Variants in CFTR observed in about 807,000 individuals in gnomAD.
CFTR encodes the protein cystic fibrosis transmembrane conductance regulator.
In CFTR, 181 loss-of-function variants were observed where a neutral mutation model predicts 171.6. The ratio of observed to expected loss-of-function variants is 1.05; its 90% CI spans 0.93 to 1.19. The LOEUF is 1.19. Among genes scored for constraint, CFTR ranks in the 50% most tolerant of loss-of-function variants. The probability of loss-of-function intolerance (pLI) is 0.00; values close to 1 mark genes in which losing one functional copy is unlikely to be tolerated. For missense variants in CFTR, 1,968 were observed against 1,734.7 expected (o/e 1.13, Z -2.39); for synonymous variants, 583 against 608.0 (o/e 0.96, Z 0.60).
In CFTR at chr7:117,480,036, TTG is replaced by T; in HGVS notation, c.-58_-57del. 1 of 1,515,246 alleles carries T rather than the reference TTG, an allele frequency of 6.6e-7. No homozygotes were observed. The highest frequency in any genetic ancestry group is 1.1e-5 in the South Asian group (1 of 89,112). 93.9% of individuals were successfully genotyped at this position (1,515,246 alleles called of 1,614,324 possible). ...GGCAGGCACCCAGAGTAGTAGGTCTTTGGCATTAGGAGCTTGAGCCCAGACGG... is the reference window on the plus strand; with the variant it reads ...GGCAGGCACCCAGAGTAGTAGGTCTTGCATTAGGAGCTTGAGCCCAGACGG... On this transcript the variant is annotated 5_prime_UTR_variant, in exon 1 of 27. Coordinates refer to ENST00000003084, the MANE Select transcript of CFTR (RefSeq NM_000492.4).
intron 10 of CFTR, among the ~76,000 whole-genome samples, chr7:117,554,598 T>C (rs1165848128): frequency 1.3e-5 from 2 of 151,310 alleles, no homozygotes; most frequent in Admixed American, 1.3e-4. Flanking sequence ...GGAAAGAGGG[T>C]TGATAAGAAG....
chr7:117,590,457 C>T lies in CFTR; in HGVS notation c.1766+18C>T. 1 of 1,594,602 alleles carries T rather than the reference C, an allele frequency of 6.3e-7. No homozygotes were observed. The highest frequency in any genetic ancestry group is 8.6e-7 in the Non-Finnish European group (1 of 1,167,106). Reference sequence around the variant, plus strand: ...TTTGAAAGGTATGTTCTTTGAATACCTTACTTATAATGCTCATGCTAAAAT... The same window carrying T: ...TTTGAAAGGTATGTTCTTTGAATACTTTACTTATAATGCTCATGCTAAAAT... On this transcript the variant is annotated intron_variant, in intron 13 of 26. Transcript: ENST00000003084.
intron 1 of CFTR, among the ~76,000 whole-genome samples, chr7:117,497,975 C>T (rs1040939852): frequency 2.0e-5 from 3 of 151,972 alleles, no homozygotes; most frequent in African/African-American, 7.2e-5. Flanking sequence ...TCTTAACATA[C>T]GTCTGTTCCT....
chr7:117,610,648 C>T lies in CFTR; in HGVS notation c.3118C>T (p.Leu1040Phe), dbSNP rs1562914212. 2.5e-6 allele frequency: 4 copies of T among 1,613,490 alleles called. No individual in the cohort carries two copies. Among genetic ancestry groups the T allele is most frequent in the Non-Finnish European group, 3.4e-6 (4 of 1,179,634 alleles). Residue 1040 changes from leucine (L) to phenylalanine (F), a missense_variant, in exon 19 of 27, where the codon CTC becomes TTC. By Grantham distance (22) the Leu-to-Phe change is conservative. Coordinates refer to ENST00000003084, the MANE Select transcript of CFTR (RefSeq NM_000492.4). ...ATATTTCCTCCAAACCTCACAGCAA[C>T]TCAAACAACTGGAATCTGAAGGTAT... ...RAYFLQTSQQ[L>F]KQLESEGRSP...
chr7:117,494,804 CAT>C (rs1456424819), intron 1 of CFTR, among the ~76,000 whole-genome samples: 1 of 152,120 alleles, frequency 6.6e-6, no homozygotes, highest in Non-Finnish European at 1.5e-5. Flanking sequence ...TTATATCACT[CAT>C]GTGATTTCTA....
At chr7:117,548,891 G>A (rs566370647) in intron 10 of CFTR, 68 bp downstream of exon 10, 843 of 1,551,466 alleles carry the variant, frequency 5.4e-4, no homozygotes, top group Middle Eastern at 7.4e-4. Context: ...TTTCTAGTTT[G>A]TAGTGCTGGA....
chr7:117,504,013 A>G lies in CFTR; in HGVS notation c.54-240A>G, dbSNP rs73215905. Among the ~76,000 whole-genome samples, 1,314 of 152,296 alleles carry G rather than the reference A, an allele frequency of 8.6e-3. 13 individuals are homozygous for G. Among genetic ancestry groups the G allele is most frequent in the Middle Eastern group, 0.044 (13 of 294 alleles). On this transcript the variant is annotated intron_variant, in intron 1 of 26. Transcript: ENST00000003084. The stretch of plus-strand genomic sequence containing the variant: ...TTTTTTCCCTGGGAAAAACCATACT[A>G]TTATTCCCTCCCAATCCCTTTGACA...
At chr7:117,488,467 T>G (rs551108452) in intron 1 of CFTR, among the ~76,000 whole-genome samples, 30 of 152,216 alleles carry the variant, frequency 2.0e-4, no homozygotes, top group Admixed American at 5.9e-4. Flanking sequence ...TAGATTATTG[T>G]CCAGAATAAT....
chr7:117,584,810 G>A (rs912433591), intron 11 of CFTR, among the ~76,000 whole-genome samples: 4 of 152,080 alleles, frequency 2.6e-5, no homozygotes, highest in African/African-American at 9.7e-5. Context: ...AGCATGGGAT[G>A]TGTTTCCATT....
chr7:117,660,612 A>C (rs1793259504), intron 24 of CFTR, among the ~76,000 whole-genome samples: 1 of 152,094 alleles, frequency 6.6e-6, no homozygotes, highest in African/African-American at 2.4e-5. Flanking sequence ...CCTGGGCAAT[A>C]GAGCAAGATT....
chr7:117,524,450 A>C (rs1798740255), intron 3 of CFTR, among the ~76,000 whole-genome samples: 2 of 152,162 alleles, frequency 1.3e-5, no homozygotes, highest in African/African-American at 4.8e-5. Flanking sequence ...TGTCTATGAA[A>C]AACAACATAA....
chr7:117,596,721 A>C (rs192955680), intron 15 of CFTR, among the ~76,000 whole-genome samples: 12 of 152,152 alleles, frequency 7.9e-5, no homozygotes, highest in Admixed American at 7.2e-4. Flanking sequence ...ACCAATCAGC[A>C]CTCTGTATCT....
intron 13 of CFTR, among the ~76,000 whole-genome samples, chr7:117,590,712 G>C (rs189114668): frequency 1.8e-3 from 272 of 152,124 alleles, no homozygotes; most frequent in South Asian, 3.9e-3. Flanking sequence ...AGTTTTTGCA[G>C]TATCATTGCC....
At chr7:117,611,841 T>G in intron 20 of CFTR, 33 bp downstream of exon 20, 1 of 1,498,358 alleles carries the variant, frequency 6.7e-7, no homozygotes, top group Non-Finnish European at 9.3e-7. Context: ...AGCTAAGCAT[T>G]TAAGTAAAAA....
chr7:117,561,219 C>T (rs1394177531), intron 11 of CFTR, among the ~76,000 whole-genome samples: 1 of 151,854 alleles, frequency 6.6e-6, no homozygotes, highest in Non-Finnish European at 1.5e-5. Flanking sequence ...GCAGAGTCCC[C>T]TGTGTTAATA....
At chr7:117,574,367 A>G (rs905472910) in intron 11 of CFTR, among the ~76,000 whole-genome samples, 3 of 152,004 alleles carry the variant, frequency 2.0e-5, no homozygotes, top group African/African-American at 4.8e-5. Context: ...CTACCCCACT[A>G]TTTTATTTTA....
At chr7:117,662,487 T>A (rs939555283) in intron 24 of CFTR, among the ~76,000 whole-genome samples, 2 of 152,186 alleles carry the variant, frequency 1.3e-5, no homozygotes, top group African/African-American at 2.4e-5. Flanking sequence ...CTTGAGAGCA[T>A]CAAGGTGTTT....
intron 1 of CFTR, among the ~76,000 whole-genome samples, chr7:117,502,107 G>C (rs565591790): frequency 6.6e-6 from 1 of 152,306 alleles, no homozygotes; most frequent in African/African-American, 2.4e-5. Flanking sequence ...ATATTTGCCT[G>C]CATGCAACAC....
At chr7:117,535,500 G>A (rs1798938569) in intron 6 of CFTR, 89 bp downstream of exon 6, 7 of 962,010 alleles carry the variant, frequency 7.3e-6, no homozygotes, top group Middle Eastern at 2.6e-4. Flanking sequence ...TCTATGCATA[G>A]AACAGTGATC....
Sources: gnomAD v4.1 joint callset for allele counts (sites outside exome capture counted in the v4.1 genomes callset) on GRCh38, gnomAD v4.1.1 for gene constraint, MANE v1.5 for transcripts, NCBI Gene and HGNC (gene_info 2026-07-23, HGNC 2026-07-21) for gene names.